APH1B: variants seen among roughly 807,000 people sequenced by gnomAD.
APH1B encodes the protein aph-1B gamma-secretase subunit.
APH1B carries 27 observed loss-of-function variants against 28.2 expected under a neutral mutation model. The observed-to-expected ratio is 0.96, with a 90% CI of 0.70 to 1.32. The LOEUF (loss-of-function observed/expected upper bound fraction) is 1.32. Ranked by LOEUF, APH1B falls within the 40% of genes most tolerant of loss-of-function variation. The pLI, the probability that APH1B is intolerant of heterozygous loss-of-function variation, is 0.00. For synonymous variants in APH1B, 141 were observed against 124.6 expected, an observed-to-expected ratio of 1.13 and a Z score of -0.88; for missense variants, 305 against 313.6, an observed-to-expected ratio of 0.97 and a Z score of 0.21.
At chr15:63,294,109 A>T (rs886065285) in intron 4 of APH1B, among the ~76,000 whole-genome samples, 2 of 147,516 alleles carry the variant, frequency 1.4e-5, no homozygotes, top group African/African-American at 2.5e-5. Flanking sequence ...TTTCACAGAC[A>T]TTTTTTTTTT....
intron 2 of APH1B, among the ~76,000 whole-genome samples, chr15:63,282,906 A>G (rs903839630): frequency 2.6e-5 from 4 of 152,212 alleles, no homozygotes; most frequent in Non-Finnish European, 5.9e-5. Flanking sequence ...GGATAGAACA[A>G]ATGAGAAAGA....
intron 1 of APH1B, chr15:63,278,489 A>C (rs1340227580): frequency 5.3e-6 from 2 of 373,940 alleles, no homozygotes; most frequent in Non-Finnish European, 1.1e-5. Flanking sequence ...GCGTTTCTTC[A>C]CCTCCCACAA....
Position 63,277,729 on chromosome 15 carries a change from A to G in APH1B, c.106A>G (p.Ile36Val), listed in dbSNP as rs745630602. The G allele has an allele frequency of 6.2e-7, 1 of 1,604,962 alleles. No homozygotes were observed. Among genetic ancestry groups the G allele is most frequent in the East Asian group, 2.3e-5 (1 of 43,896 alleles). Residue 36 changes from isoleucine to valine, a missense_variant, in exon 1 of 6, where the codon ATC becomes GTC. Ile to Val is a conservative substitution (Grantham distance 29). Transcript: ENST00000261879. Reference protein sequence around the residue: ...ATEPLRIIFLIAGAFFWLVSL... With the variant: ...ATEPLRIIFLVAGAFFWLVSL... ...CGAGCCGTTGCGTATCATCTTCCTCATCGCCGGGTGAGGCGGTCGCGTCGG... is the reference window on the plus strand; with the variant it reads ...CGAGCCGTTGCGTATCATCTTCCTCGTCGCCGGGTGAGGCGGTCGCGTCGG...
At chr15:63,305,352 G>A (rs890862832) in intron 5 of APH1B, among the ~76,000 whole-genome samples, 17 of 152,302 alleles carry the variant, frequency 1.1e-4, no homozygotes, top group African/African-American at 4.1e-4. Context: ...CATGCATCTT[G>A]TATTGTATAT....
intron 2 of APH1B, among the ~76,000 whole-genome samples, chr15:63,284,743 C>T (rs1363993447): frequency 6.6e-6 from 1 of 152,170 alleles, no homozygotes; most frequent in Non-Finnish European, 1.5e-5. Flanking sequence ...CTTTTACGTT[C>T]AAGGGTACAC....
intron 2 of APH1B, among the ~76,000 whole-genome samples, chr15:63,281,135 A>G (rs528966972): frequency 1.3e-4 from 19 of 148,114 alleles, no homozygotes; most frequent in African/African-American, 4.0e-4. Flanking sequence ...GACCCTGTCT[A>G]AAAAAAAAAC....
chr15:63,278,410 A>G (rs2038349405), intron 1 of APH1B: 1 of 454,556 alleles, frequency 2.2e-6, no homozygotes, highest in African/African-American at 2.0e-5. Flanking sequence ...TTACTTGCAC[A>G]TACCACATCC....
intron 2 of APH1B, among the ~76,000 whole-genome samples, chr15:63,284,790 CCCT>C (rs2038428801): frequency 6.6e-6 from 1 of 152,198 alleles, no homozygotes; most frequent in Admixed American, 6.5e-5. Context: ...GTGATCCTCT[CCCT>C]CCTCCCACTC....
intron 4 of APH1B, among the ~76,000 whole-genome samples, chr15:63,293,501 T>C (rs112103925): frequency 0.044 from 6,359 of 144,568 alleles, 394 homozygotes; most frequent in African/African-American, 0.15. Flanking sequence ...TCTTCTTCTT[T>C]TTTTTTTTTT....
Position 63,287,499 on chromosome 15 carries a change from G to C in APH1B, c.431G>C (p.Gly144Ala). ...VNTLSDSLGP[G>A]TVGIHGDSPQ... ...ACCCTATCTGACTCCTTGGGGCCAG[G>C]CACAGTGGGCATTCATGGAGATTCT... is the stretch of plus-strand genomic sequence containing the variant. The change falls in exon 4 of 6, where the codon GGC (glycine) becomes GCC (alanine). Residue 144 changes from glycine to alanine, a missense_variant. By Grantham distance (60) the Gly-to-Ala change is moderately conservative. Transcript: ENST00000261879. 6.2e-7 allele frequency: 1 copy of C among 1,613,900 alleles called. No homozygotes were observed. Among genetic ancestry groups the C allele is most frequent in the Middle Eastern group, 1.7e-4 (1 of 6,060 alleles).
chr15:63,291,010 A>G (rs1567029842), intron 4 of APH1B, among the ~76,000 whole-genome samples: 1 of 151,000 alleles, frequency 6.6e-6, no homozygotes, highest in Non-Finnish European at 1.5e-5. Flanking sequence ...TAAGAGCAGT[A>G]TTGTTCACAG....
At chr15:63,291,532 A>C (rs1209018374) in intron 4 of APH1B, among the ~76,000 whole-genome samples, 1 of 152,216 alleles carries the variant, frequency 6.6e-6, no homozygotes, top group Non-Finnish European at 1.5e-5. Flanking sequence ...AGGAATACTG[A>C]AGAAGTAAAA....
At chr15:63,293,503 T>G (rs980615254) in intron 4 of APH1B, among the ~76,000 whole-genome samples, 3 of 150,360 alleles carry the variant, frequency 2.0e-5, no homozygotes, top group African/African-American at 7.3e-5. Flanking sequence ...TTCTTCTTTT[T>G]TTTTTTTTTC....
At chr15:63,296,344 G>A (rs1269014611) in intron 4 of APH1B, among the ~76,000 whole-genome samples, 1 of 152,258 alleles carries the variant, frequency 6.6e-6, no homozygotes, top group Admixed American at 6.5e-5. Context: ...CTGCGGCTGA[G>A]CTTTGGCCTT....
chr15:63,298,179 C>T (rs778078635), intron 4 of APH1B, among the ~76,000 whole-genome samples: 7 of 152,086 alleles, frequency 4.6e-5, no homozygotes, highest in Non-Finnish European at 1.0e-4. Context: ...AAATAATCTA[C>T]AAGAATGAAG....
intron 2 of APH1B, among the ~76,000 whole-genome samples, chr15:63,281,255 C>A (rs2038383483): frequency 6.6e-6 from 1 of 152,110 alleles, no homozygotes; most frequent in Non-Finnish European, 1.5e-5. Flanking sequence ...AATGAACAGT[C>A]CTCATTTCTT....
intron 4 of APH1B, among the ~76,000 whole-genome samples, chr15:63,293,560 C>T (rs1212509057): frequency 2.0e-5 from 3 of 151,214 alleles, no homozygotes; most frequent in African/African-American, 4.9e-5. Flanking sequence ...TGCAGTGGCA[C>T]GATCTTGGCT....
At chr15:63,280,094 G>A (rs565913287) in intron 2 of APH1B, among the ~76,000 whole-genome samples, 3 of 152,194 alleles carry the variant, frequency 2.0e-5, no homozygotes, top group South Asian at 4.1e-4. Context: ...CACCACACCC[G>A]GCCAAGATAA....
Position 63,289,061 on chromosome 15 carries a change from A to G in APH1B, c.478+1515A>G, listed in dbSNP as rs904897263. On this transcript the variant is annotated intron_variant, in intron 4 of 5. Coordinates refer to ENST00000261879, the MANE Select transcript of APH1B (RefSeq NM_031301.4). Reference sequence around the variant, plus strand: ...TTTGGTAGTAAAAGAAAAATTTGATACCAATTTGGGGATTGTATTTGTAAT... The same window carrying G: ...TTTGGTAGTAAAAGAAAAATTTGATGCCAATTTGGGGATTGTATTTGTAAT... Among the ~76,000 whole-genome samples the G allele has an allele frequency of 1.2e-4, 18 of 152,314 alleles. No homozygotes were observed. In the East Asian group the frequency reaches 3.3e-3, roughly 28 times the overall value.
Sources: allele counts gnomAD v4.1 joint callset (sites outside exome capture counted in the v4.1 genomes callset), GRCh38; gene constraint gnomAD v4.1.1; transcripts MANE v1.5; gene names NCBI Gene and HGNC (gene_info 2026-07-23, HGNC 2026-07-21).